RANGRF: variants seen among roughly 807,000 people sequenced by gnomAD.
The protein encoded by RANGRF is RAN guanine nucleotide release factor.
Under a neutral mutation model 21.8 loss-of-function variants are expected in RANGRF, and 17 were observed. The ratio of observed to expected loss-of-function variants is 0.78; its 90% confidence interval spans 0.53 to 1.17. RANGRF has a LOEUF of 1.17. RANGRF is among the 50% of genes most tolerant of loss of function. The pLI is 0.00. For missense variants in RANGRF, 225 were observed against 235.5 expected, an observed-to-expected ratio of 0.96 and a Z score of 0.29; for synonymous variants, 97 against 94.3, an observed-to-expected ratio of 1.03 and a Z score of -0.17.
chr17:8,288,756 CCTTT>C lies in RANGRF; in HGVS notation c.-30_-27del, dbSNP rs766892536. 9 of 1,611,730 alleles carry C rather than the reference CCTTT, an allele frequency of 5.6e-6. No homozygotes were observed. The African/African-American group carries it at 1.2e-4, about 22-fold the overall frequency. ...TGACCCAATGTGGACTTCTTTTAAA[CCTTT>C]CTAATGCCCATAACCCAGCCTCAGA... is the stretch of plus-strand genomic sequence containing the variant. On this transcript the variant is annotated 5_prime_UTR_variant, in exon 1 of 5. An upstream open reading frame in the 5' UTR loses its in-frame stop. Coordinates refer to ENST00000226105, the MANE Select transcript of RANGRF (RefSeq NM_016492.5).
Position 8,289,034 on chromosome 17 carries a change from C to T in RANGRF, c.156C>T (p.Leu52=). The T allele has an allele frequency of 6.2e-7, 1 of 1,614,024 alleles. No homozygotes were observed. Among genetic ancestry groups the T allele is most frequent in the East Asian group, 2.2e-5 (1 of 44,878 alleles). Residue 52 remains leucine (L), a synonymous_variant, in exon 2 of 5, where the codon CTC becomes CTT. Transcript: ENST00000226105. The part of the protein sequence containing the change: ...VTDQSLIVEL[L]ELQAHVRGEA... ...ACCAGAGCCTGATAGTGGAACTTCT[C>T]GAGCTGCAGGCCCACGTACGGGGCG...
Position 8,289,243 on chromosome 17 carries a change from G to A in RANGRF, c.195-15G>A, listed in dbSNP as rs973056411. On this transcript the variant is annotated splice_polypyrimidine_tract_variant and intron_variant, in intron 2 of 4. Coordinates refer to ENST00000226105, the MANE Select transcript of RANGRF (RefSeq NM_016492.5). ...ACCAGAGATGTCCCTTCCTGACCCC[G>A]CTTCCCTACTCCAGGTACCACTTTG... is the stretch of plus-strand genomic sequence containing the variant. The A allele has an allele frequency of 1.9e-6, 3 of 1,612,874 alleles. No individual in the cohort carries two copies. Among genetic ancestry groups the A allele is most frequent in the Admixed American group, 3.3e-5 (2 of 60,008 alleles).
intron 3 of RANGRF, 42 bp downstream of exon 3, chr17:8,289,456 C>G (rs1990305552): frequency 6.2e-7 from 1 of 1,613,922 alleles, no homozygotes; most frequent in African/African-American, 1.3e-5. Context: ...AGGGCGGTAG[C>G]GGGGACGCAG....
intron 4 of RANGRF, 43 bp from the exon 5 acceptor site, chr17:8,289,770 G>C (rs946931776): frequency 3.7e-6 from 6 of 1,613,684 alleles, no homozygotes; most frequent in Non-Finnish European, 5.1e-6. Flanking sequence ...CCAAACCTCA[G>C]GCCTGGATGA....
At position 8,288,882 on chromosome 17, in the gene RANGRF, G is replaced by T; in HGVS notation, c.77+17G>T. On this transcript the variant is annotated intron_variant, in intron 1 of 4. Coordinates refer to ENST00000226105, the MANE Select transcript of RANGRF (RefSeq NM_016492.5). ...TGACGTAAGGTGAGAAGGCCGGGGC[G>T]CCCAGGGGCGGCTGACTGGGTGGGT... The T allele has an allele frequency of 6.2e-7, 1 of 1,614,158 alleles. No individual in the cohort carries two copies.
chr17:8,289,594 G>C lies in RANGRF; in HGVS notation c.437+6G>C, dbSNP rs1480801504. ...CTTACCTTCAATCAGCCCCCGTAAG[G>C]AGGAAGGAACGGGCGGGTATCTCAT... is the stretch of plus-strand genomic sequence containing the variant. On this transcript the variant is annotated splice_donor_region_variant and intron_variant, in intron 4 of 4. Transcript: ENST00000226105. 18 of 1,611,554 alleles carry C rather than the reference G, an allele frequency of 1.1e-5. No homozygotes were observed. The highest frequency in any genetic ancestry group is 1.1e-5 in the Non-Finnish European group (13 of 1,177,974).
chr17:8,289,705 A>G lies in RANGRF; in HGVS notation c.438-108A>G, dbSNP rs940830751. ...TCCTCCAAGGAAGCAGGAGTGGGCC[A>G]GAGGTTTGGGGTAACTGATACCCAG... On this transcript the variant is annotated intron_variant, in intron 4 of 4. Transcript: ENST00000226105. The G allele has an allele frequency of 2.5e-6, 4 of 1,612,410 alleles. No homozygotes were observed. In the African/African-American group the frequency reaches 5.3e-5, roughly 22 times the overall value.
chr17:8,289,793 A>G lies in RANGRF; in HGVS notation c.438-20A>G, dbSNP rs1990338772. ...CAGGCCTGGATGATGTTCTGTCTCC[A>G]TCTGTTCCCCCACCCCAAGCCCTGA... On this transcript the variant is annotated intron_variant, in intron 4 of 4. Transcript: ENST00000226105. The G allele has an allele frequency of 6.2e-7, 1 of 1,613,480 alleles. No individual in the cohort carries two copies. The highest frequency in any genetic ancestry group is 8.5e-7 in the Non-Finnish European group (1 of 1,180,004).
At chr17:8,289,206 C>G in intron 2 of RANGRF, 52 bp from the exon 3 acceptor site, 1 of 1,607,370 alleles carries the variant, frequency 6.2e-7, no homozygotes, top group Non-Finnish European at 8.5e-7. Context: ...TAAAGATGCT[C>G]CCGGGGAGGC....
Position 8,288,828 on chromosome 17 carries a change from T to A in RANGRF, c.40T>A (p.Phe14Ile). Residue 14 changes from phenylalanine to isoleucine, a missense_variant, in exon 1 of 5, where the codon TTT becomes ATT. Transcript: ENST00000226105. The part of the protein sequence containing the change: ...TRDCPLFGGA[F>I]SAILPMGAID... ...AGACTGCCCGCTGTTCGGGGGCGCC[T>A]TTTCCGCCATCCTCCCCATGGGGGC... 1 of 1,613,930 alleles carries A rather than the reference T, an allele frequency of 6.2e-7. No individual in the cohort carries two copies. Among genetic ancestry groups the A allele is most frequent in the South Asian group, 1.1e-5 (1 of 91,072 alleles).
chr17:8,289,049 C>T lies in RANGRF; in HGVS notation c.171C>T (p.His57=), dbSNP rs2151608672. ...TGGAACTTCTCGAGCTGCAGGCCCA[C>T]GTACGGGGCGAAGCGGCTGCGCGGT... is the stretch of plus-strand genomic sequence containing the variant. ...LIVELLELQA[H]VRGEAAARYH... The change falls in exon 2 of 5, where the codon CAC becomes CAT. Residue 57 remains histidine (H), a synonymous_variant. Coordinates refer to ENST00000226105, the MANE Select transcript of RANGRF (RefSeq NM_016492.5). 1.2e-6 allele frequency: 2 copies of T among 1,613,868 alleles called. No homozygotes were observed. The highest frequency in any genetic ancestry group is 1.1e-5 in the South Asian group (1 of 91,088).
rs1412254734 is a variant in RANGRF at position 8,289,037 on chromosome 17, G to C, written c.159G>C (p.Glu53Asp). Residue 53 changes from glutamate (E) to aspartate (D), a missense_variant, in exon 2 of 5, where the codon GAG (glutamate) becomes GAC (aspartate). By Grantham distance (45) the Glu-to-Asp change is conservative. Coordinates refer to ENST00000226105, the MANE Select transcript of RANGRF (RefSeq NM_016492.5). ...TDQSLIVELL[E>D]LQAHVRGEAA... Reference sequence around the variant, plus strand: ...AGAGCCTGATAGTGGAACTTCTCGAGCTGCAGGCCCACGTACGGGGCGAAG... The same window carrying C: ...AGAGCCTGATAGTGGAACTTCTCGACCTGCAGGCCCACGTACGGGGCGAAG... The C allele has an allele frequency of 1.2e-6, 2 of 1,614,020 alleles. No individual in the cohort carries two copies. Among genetic ancestry groups the C allele is most frequent in the Non-Finnish European group, 1.7e-6 (2 of 1,180,024 alleles).
chr17:8,288,713 C>T lies in RANGRF; in HGVS notation c.-76C>T. 1 of 1,538,054 alleles carries T rather than the reference C, an allele frequency of 6.5e-7. No individual in the cohort carries two copies. Among genetic ancestry groups the T allele is most frequent in the Non-Finnish European group, 9.0e-7 (1 of 1,112,004 alleles). ...GGGTGGCGGTGGCAGCTGCGAAACC[C>T]AGGGAGCCGATGCCACGTGACCCAA... is the stretch of plus-strand genomic sequence containing the variant. On this transcript the variant is annotated 5_prime_UTR_variant, in exon 1 of 5. Coordinates refer to ENST00000226105, the MANE Select transcript of RANGRF (RefSeq NM_016492.5).
In RANGRF at chr17:8,289,287, AG is replaced by A; in HGVS notation, c.229del (p.Ala77LeufsTer19). ...RYHFEDVGGV[Q>X]GARAVHVESV... ...CACTTTGAGGATGTTGGTGGCGTGC[AG>A]GGGGCTAGGGCTGTCCATGTGGAGT... On this transcript the variant is annotated frameshift_variant, in exon 3 of 5. Coordinates refer to ENST00000226105, the MANE Select transcript of RANGRF (RefSeq NM_016492.5). LOFTEE classifies it high-confidence loss of function. The A allele has an allele frequency of 6.2e-7, 1 of 1,613,904 alleles. No individual in the cohort carries two copies. Among genetic ancestry groups the A allele is most frequent in the Non-Finnish European group, 8.5e-7 (1 of 1,180,008 alleles).
intron 4 of RANGRF, 94 bp from the exon 5 acceptor site, chr17:8,289,715 GGTAA>G: frequency 1.2e-6 from 2 of 1,613,622 alleles, no homozygotes; most frequent in South Asian, 1.1e-5. Flanking sequence ...AGAGGTTTGG[GGTAA>G]CTGATACCCA....
rs1990293848 is a variant in RANGRF, at chr17:8,289,323, C to T, written c.260C>T (p.Pro87Leu). Residue 87 changes from proline (P) to leucine (L), a missense_variant, in exon 3 of 5, where the codon CCT (proline) becomes CTT (leucine). Transcript: ENST00000226105. ...GCTGTCCATGTGGAGTCTGTTCAGC[C>T]TCTCAGTTTGGAGAACCTGGCCCTG... ...ARAVHVESVQ[P>L]LSLENLALRG... The T allele has an allele frequency of 1.2e-6, 2 of 1,614,066 alleles. No individual in the cohort carries two copies. The highest frequency in any genetic ancestry group is 1.1e-5 in the South Asian group (1 of 91,082).
intron 4 of RANGRF, 58 bp downstream of exon 4, chr17:8,289,646 G>T: frequency 6.2e-7 from 1 of 1,606,192 alleles, no homozygotes; most frequent in Non-Finnish European, 8.5e-7. Context: ...GAATCGGGCT[G>T]GGAGGGACAG....
intron 2 of RANGRF, 34 bp downstream of exon 2, chr17:8,289,106 GGGC>G: frequency 6.2e-7 from 1 of 1,607,626 alleles, no homozygotes; most frequent in Non-Finnish European, 8.5e-7. Context: ...CCAATGGCAG[GGGC>G]GGGGTCGGAC....
Position 8,289,249 on chromosome 17 carries a change from C to A in RANGRF, c.195-9C>A, listed in dbSNP as rs1040865227. The A allele has an allele frequency of 6.2e-7, 1 of 1,613,274 alleles. No individual in the cohort carries two copies. On this transcript the variant is annotated splice_polypyrimidine_tract_variant and intron_variant, in intron 2 of 4. Transcript: ENST00000226105. ...GATGTCCCTTCCTGACCCCGCTTCC[C>A]TACTCCAGGTACCACTTTGAGGATG... is the stretch of plus-strand genomic sequence containing the variant.
Sources: gnomAD v4.1 joint callset for allele counts on GRCh38, gnomAD v4.1.1 for gene constraint, MANE v1.5 for transcripts, NCBI Gene and HGNC (gene_info 2026-07-23, HGNC 2026-07-21) for gene names.